The following MED27 variants were observed in gnomAD, a reference collection of about 807,000 sequenced individuals.
MED27 encodes the protein mediator complex subunit 27, also known as mediator of RNA polymerase II transcription subunit 27.
In MED27, 30 loss-of-function variants were observed where a neutral mutation model predicts 38.2. The observed-to-expected ratio is 0.79, with a 90% CI of 0.59 to 1.07. The LOEUF is 1.07. MED27 is among the 50% of genes least tolerant of loss of function. The pLI, the probability that MED27 is intolerant of heterozygous loss-of-function variation, is 0.00. For synonymous variants in MED27, 122 were observed against 153.5 expected (o/e 0.79, Z 1.52); for missense variants, 289 against 397.5 (o/e 0.73, Z 2.32).
At chr9:131,887,361 C>A (rs549204281) in intron 5 of MED27, among the ~76,000 whole-genome samples, 1 of 152,256 alleles carries the variant, frequency 6.6e-6, no homozygotes, top group South Asian at 2.1e-4. Context: ...AAAGCTCCTA[C>A]CATCTGGGAC....
intron 4 of MED27, among the ~76,000 whole-genome samples, chr9:131,934,433 A>G (rs548031617): frequency 1.3e-5 from 2 of 152,148 alleles, no homozygotes; most frequent in Non-Finnish European, 2.9e-5. Context: ...TGAACTCTAC[A>G]GGAAAAAAAA....
intron 2 of MED27, among the ~76,000 whole-genome samples, chr9:132,035,464 A>C (rs1833052572): frequency 6.6e-6 from 1 of 152,154 alleles, no homozygotes; most frequent in African/African-American, 2.4e-5. Flanking sequence ...CAGTGACAAA[A>C]AGGAGGACCA....
chr9:132,023,621 C>T (rs1278580884), intron 2 of MED27, among the ~76,000 whole-genome samples: 2 of 152,162 alleles, frequency 1.3e-5, no homozygotes, highest in East Asian at 1.9e-4. Flanking sequence ...CTGGGAGACA[C>T]CTGGCTACAA....
chr9:131,961,679 C>T lies in MED27; in HGVS notation c.480-22205G>A, dbSNP rs138233230. Among the ~76,000 whole-genome samples the T allele has an allele frequency of 6.9e-4, 105 of 152,332 alleles. 1 individual carries two copies. Among genetic ancestry groups the T allele is most frequent in the African/African-American group, 2.4e-3 (98 of 41,570 alleles). ...AGGACAGAACCGCTGCTTTCGTGAA[C>T]TAGCGAAGGAGCCTCATGCTGGGGA... On this transcript the variant is annotated intron_variant, in intron 3 of 7. Transcript: ENST00000292035.
At chr9:131,912,819 T>TA (rs1221736150) in intron 4 of MED27, among the ~76,000 whole-genome samples, 5 of 152,024 alleles carry the variant, frequency 3.3e-5, no homozygotes, top group African/African-American at 7.2e-5. Context: ...AAAACAGAGC[T>TA]AAAAAAAATC....
At chr9:132,022,775 A>G (rs1027723632) in intron 2 of MED27, among the ~76,000 whole-genome samples, 13 of 152,188 alleles carry the variant, frequency 8.5e-5, no homozygotes, top group African/African-American at 3.1e-4. Context: ...GGCAGAAGGC[A>G]TAAGGGAAGC....
intron 4 of MED27, among the ~76,000 whole-genome samples, chr9:131,897,958 T>C (rs1013162771): frequency 6.6e-6 from 1 of 152,182 alleles, no homozygotes; most frequent in East Asian, 1.9e-4. Context: ...GTCCCCATTT[T>C]ATGTGCTGAA....
At chr9:132,038,282 C>A (rs1312159453) in intron 2 of MED27, among the ~76,000 whole-genome samples, 6 of 148,766 alleles carry the variant, frequency 4.0e-5, no homozygotes, top group African/African-American at 1.5e-4. Flanking sequence ...AGCTCCGCCT[C>A]CCGGGTTCAC....
intron 6 of MED27, among the ~76,000 whole-genome samples, chr9:131,870,067 C>T (rs192161509): frequency 4.6e-5 from 7 of 152,322 alleles, no homozygotes; most frequent in Admixed American, 6.5e-5. Flanking sequence ...CCCAAAGCTC[C>T]TCTGCCATAT....
chr9:132,071,615 C>T (rs1280871401), intron 2 of MED27, among the ~76,000 whole-genome samples: 1 of 151,206 alleles, frequency 6.6e-6, no homozygotes, highest in Non-Finnish European at 1.5e-5. Flanking sequence ...CGAGCACATG[C>T]ATACAAGTAA....
At chr9:131,967,880 G>A (rs1314286731) in intron 3 of MED27, among the ~76,000 whole-genome samples, 2 of 147,762 alleles carry the variant, frequency 1.4e-5, no homozygotes, top group Non-Finnish European at 3.0e-5. Flanking sequence ...GTGCAGTGGC[G>A]CATCTTGGCT....
At position 131,989,048 on chromosome 9, in the gene MED27, C is replaced by A. The variant is rs567568264; in HGVS notation, c.479+25289G>T. ...TGCACCTACCAACCTGTCATCTAGG[C>A]AAACCTAGTTCTGAAGGAGGATCTT... On this transcript the variant is annotated intron_variant, in intron 3 of 7. Coordinates refer to ENST00000292035, the MANE Select transcript of MED27 (RefSeq NM_004269.4). 2.0e-5 allele frequency among the ~76,000 whole-genome samples: 3 copies of A among 152,230 alleles called. No individual in the cohort carries two copies. In the South Asian group the frequency reaches 6.2e-4, roughly 32 times the overall value.
At chr9:131,905,148 TC>T (rs1404100912) in intron 4 of MED27, among the ~76,000 whole-genome samples, 1 of 152,188 alleles carries the variant, frequency 6.6e-6, no homozygotes, top group Non-Finnish European at 1.5e-5. Context: ...ATATAGCCCT[TC>T]CAGGGAAAGT....
intron 3 of MED27, among the ~76,000 whole-genome samples, chr9:131,944,322 T>C (rs147536692): frequency 3.3e-5 from 5 of 152,016 alleles, no homozygotes; most frequent in Admixed American, 1.3e-4. Context: ...ATACCCCCCA[T>C]TGCCACCTCA....
chr9:131,893,907 T>C lies in MED27; in HGVS notation c.659A>G (p.Asn220Ser), dbSNP rs1416378656. ...DRTIVKGYNENVYTEDGKLDI... is the reference protein window; with the variant it reads ...DRTIVKGYNESVYTEDGKLDI... The stretch of plus-strand genomic sequence containing the variant: ...TACCTTGCCATCTTCTGTGTAGACA[T>C]TCTCGTTATATCCCTTTACTATTGT... Residue 220 changes from asparagine (N) to serine (S), a missense_variant, in exon 5 of 8, where the codon AAT (asparagine) becomes AGT (serine). Asn to Ser is a conservative substitution (Grantham distance 46). Transcript: ENST00000292035. 2 of 1,613,976 alleles carry C rather than the reference T, an allele frequency of 1.2e-6. No individual in the cohort carries two copies. The highest frequency in any genetic ancestry group is 4.5e-5 in the East Asian group (2 of 44,884).
chr9:132,062,266 G>A (rs78147462), intron 2 of MED27, among the ~76,000 whole-genome samples: 1 of 152,360 alleles, frequency 6.6e-6, no homozygotes, highest in African/African-American at 2.4e-5. Context: ...CAGGTAATCA[G>A]TACCTACAGT....
intron 4 of MED27, among the ~76,000 whole-genome samples, chr9:131,908,026 C>T (rs1172065978): frequency 3.6e-4 from 54 of 151,868 alleles, no homozygotes; most frequent in African/African-American, 1.2e-3. Flanking sequence ...GCCCGGCAGC[C>T]GCCCCGTCTG....
intron 5 of MED27, among the ~76,000 whole-genome samples, chr9:131,884,591 C>T (rs1039417399): frequency 1.6e-4 from 24 of 150,622 alleles, no homozygotes; most frequent in Non-Finnish European, 1.8e-4. Flanking sequence ...TACCTGTTAC[C>T]TTGATTCTCT....
At chr9:132,074,359 G>C (rs1426501836) in intron 2 of MED27, among the ~76,000 whole-genome samples, 1 of 152,176 alleles carries the variant, frequency 6.6e-6, no homozygotes, top group Admixed American at 6.5e-5. Context: ...TTAGTCATTA[G>C]GCATGAACGA....
Sources: gnomAD v4.1 joint callset for allele counts (sites outside exome capture counted in the v4.1 genomes callset) on GRCh38, gnomAD v4.1.1 for gene constraint, MANE v1.5 for transcripts, NCBI Gene and HGNC (gene_info 2026-07-23, HGNC 2026-07-21) for gene names.